Variants in HEMK2 observed in about 807,000 individuals in gnomAD.
The protein encoded by HEMK2 is methyltransferase HEMK2.
chr21:28,614,395 C>T, the HEMK2 span, among the ~76,000 whole-genome samples: 1 of 150,606 alleles, frequency 6.6e-6, no homozygotes, highest in Non-Finnish European at 1.5e-5. Flanking sequence ...TGATAATTCA[C>T]TCTACTGGTT....
chr21:28,783,377 G>T, the HEMK2 span, among the ~76,000 whole-genome samples: 1 of 152,044 alleles, frequency 6.6e-6, no homozygotes, highest in African/African-American at 2.4e-5. Context: ...TAGAGACGGG[G>T]TTTCACCATG....
the HEMK2 span, among the ~76,000 whole-genome samples, chr21:28,677,788 G>T: frequency 6.6e-6 from 1 of 152,188 alleles, no homozygotes; most frequent in Non-Finnish European, 1.5e-5. Context: ...GGCAAACAGC[G>T]TCTGGAGTGG....
the HEMK2 span, among the ~76,000 whole-genome samples, chr21:28,603,779 T>C: frequency 2.0e-5 from 3 of 152,202 alleles, no homozygotes; most frequent in African/African-American, 4.8e-5. Context: ...GGCAGCTCAG[T>C]TGGAGTCTGC....
chr21:28,674,298 C>A, the HEMK2 span, among the ~76,000 whole-genome samples: 2 of 152,202 alleles, frequency 1.3e-5, no homozygotes, highest in African/African-American at 4.8e-5. Flanking sequence ...TGGCAACCAG[C>A]AGCCCTCAGG....
chr21:28,819,457 G>T, the HEMK2 span, among the ~76,000 whole-genome samples: 4 of 151,554 alleles, frequency 2.6e-5, no homozygotes, highest in African/African-American at 9.7e-5. Context: ...GAGAATATTT[G>T]GGCAATCTTT....
the HEMK2 span, among the ~76,000 whole-genome samples, chr21:28,661,302 G>T: frequency 6.6e-6 from 1 of 151,642 alleles, no homozygotes. Flanking sequence ...ATTTCTAATT[G>T]CACCTTCATC....
chr21:28,715,609 TAGTTTATTTTGCTGTGCAGA>T, the HEMK2 span, among the ~76,000 whole-genome samples: 1 of 152,222 alleles, frequency 6.6e-6, no homozygotes, highest in African/African-American at 2.4e-5. Flanking sequence ...ATTCTGTTGA[TAGTTTATTTTGCTGTGCAGA>T]AGTTCTTTAG....
the HEMK2 span, among the ~76,000 whole-genome samples, chr21:28,630,787 G>A: frequency 8.6e-6 from 1 of 115,878 alleles, no homozygotes; most frequent in African/African-American, 3.3e-5. Context: ...CGTGGGGTGG[G>A]GGGAGGGGGG....
chr21:28,841,368 A>ATAATATATTATATATAATATAT, the HEMK2 span, among the ~76,000 whole-genome samples: 3 of 27,126 alleles, frequency 1.1e-4, no homozygotes, highest in South Asian at 3.2e-3. Context: ...TATATTATAT[A>ATAATATATTATATATAATATAT]AAATATTATA....
chr21:28,742,683 A>G, the HEMK2 span, among the ~76,000 whole-genome samples: 170 of 152,166 alleles, frequency 1.1e-3, no homozygotes, highest in Non-Finnish European at 2.1e-3. Context: ...GAAAAAAAAA[A>G]GGAAAAAAAA....
the HEMK2 span, chr21:28,883,141 G>T: frequency 9.6e-7 from 1 of 1,036,302 alleles, no homozygotes; most frequent in Non-Finnish European, 1.4e-6. Flanking sequence ...TCTCATGCTA[G>T]TGTTATTTCT....
chr21:28,805,150 G>A, the HEMK2 span, among the ~76,000 whole-genome samples: 1 of 152,186 alleles, frequency 6.6e-6, no homozygotes, highest in Non-Finnish European at 1.5e-5. Context: ...AGATGACACA[G>A]GGAGAGCTGG....
chr21:28,592,396 G>A, the HEMK2 span, among the ~76,000 whole-genome samples: 1 of 152,212 alleles, frequency 6.6e-6, no homozygotes, highest in African/African-American at 2.4e-5. Context: ...TGATCTTGAT[G>A]AGAGTGATGA....
At chr21:28,668,017 T>C in the HEMK2 span, among the ~76,000 whole-genome samples, 1 of 152,202 alleles carries the variant, frequency 6.6e-6, no homozygotes, top group Non-Finnish European at 1.5e-5. Context: ...ACAGAAGTCC[T>C]TTGGGGGAAA....
the HEMK2 span, chr21:28,878,284 C>T: frequency 1.1e-5 from 17 of 1,612,346 alleles, no homozygotes; most frequent in Non-Finnish European, 1.3e-5. Context: ...CATGACTTCC[C>T]GACCATTTCT....
At chr21:28,692,821 T>C in the HEMK2 span, among the ~76,000 whole-genome samples, 2 of 151,920 alleles carry the variant, frequency 1.3e-5, no homozygotes, top group Non-Finnish European at 2.9e-5. Flanking sequence ...TATTCTACAA[T>C]AAAATGGAAA....
the HEMK2 span, among the ~76,000 whole-genome samples, chr21:28,649,615 G>A: frequency 1.1e-4 from 17 of 152,172 alleles, no homozygotes; most frequent in Non-Finnish European, 1.8e-4. Context: ...GTTATGCTGG[G>A]ATACAGGATA....
the HEMK2 span, among the ~76,000 whole-genome samples, chr21:28,615,039 A>C: frequency 2.6e-5 from 4 of 152,144 alleles, no homozygotes; most frequent in African/African-American, 7.2e-5. Context: ...CTTAACTGCA[A>C]AGTAGGAATG....
chr21:28,650,417 G>T, the HEMK2 span, among the ~76,000 whole-genome samples: 1 of 151,964 alleles, frequency 6.6e-6, no homozygotes, highest in Non-Finnish European at 1.5e-5. Context: ...GCCATGGTCC[G>T]TTTAATATTG....
Sources: gnomAD v4.1 joint callset for allele counts (sites outside exome capture counted in the v4.1 genomes callset) on GRCh38, gnomAD v4.1.1 for gene constraint, MANE v1.5 for transcripts, NCBI Gene and HGNC (gene_info 2026-07-23, HGNC 2026-07-21) for gene names.